The following GIT1 variants were observed in gnomAD, a reference collection of about 807,000 sequenced individuals.
The protein encoded by GIT1 is ARF GTPase-activating protein GIT1.
A neutral mutation model predicts 91.7 loss-of-function variants in GIT1; 14 were observed. That is an observed-to-expected ratio of 0.15 (90% CI 0.10 to 0.24). The LOEUF (loss-of-function observed/expected upper bound fraction) is 0.24. Ranked by LOEUF, GIT1 falls within the 10% of genes least tolerant of loss-of-function variation. The pLI is 1.00. For synonymous variants in GIT1, 414 were observed against 418.2 expected (o/e 0.99, Z 0.12); for missense variants, 717 against 1,024.9 (o/e 0.70, Z 4.10).
At chr17:29,582,290 C>T (rs2033426235) in intron 4 of GIT1, 146 bp from the exon 5 acceptor site, 1 of 633,878 alleles carries the variant, frequency 1.6e-6, no homozygotes, top group Non-Finnish European at 2.8e-6. Context: ...ACAGAGGCTT[C>T]CCGCTAGGGG....
Position 29,574,858 on chromosome 17 carries a change from G to A in GIT1, c.2130C>T (p.Tyr710=). The A allele has an allele frequency of 6.3e-7, 1 of 1,596,534 alleles. No individual in the cohort carries two copies. Among genetic ancestry groups the A allele is most frequent in the Non-Finnish European group, 8.5e-7 (1 of 1,174,106 alleles). The change falls in exon 20 of 20, where the codon TAC becomes TAT. Residue 710 remains tyrosine (Y), a synonymous_variant. Transcript: ENST00000225394. ...SSLRLLNASA[Y]RLQSECRKTV... is the part of the protein sequence containing the mutation. ...TCTTCCGGCACTCACTCTGCAGCCGGTAGGCGCTGGCGTTGAGCAGCCGCA... is the reference window on the plus strand; with the variant it reads ...TCTTCCGGCACTCACTCTGCAGCCGATAGGCGCTGGCGTTGAGCAGCCGCA...
At chr17:29,587,077 T>G (rs2033617007) in intron 1 of GIT1, among the ~76,000 whole-genome samples, 2 of 152,082 alleles carry the variant, frequency 1.3e-5, no homozygotes. Flanking sequence ...ACTCCTGTGG[T>G]TAGGACTGCA....
intron 7 of GIT1, chr17:29,579,061 C>T (rs373976715): frequency 2.8e-4 from 387 of 1,359,444 alleles, no homozygotes; most frequent in East Asian, 5.7e-4. Flanking sequence ...GGGCAGCACA[C>T]GCCTTTTCAC....
In GIT1 at chr17:29,576,868, C is replaced by T; in HGVS notation, c.1222G>A (p.Ala408Thr). The change falls in exon 12 of 20, where the codon GCC becomes ACC. Residue 408 changes from alanine to threonine, a missense_variant. Coordinates refer to ENST00000225394, the MANE Select transcript of GIT1 (RefSeq NM_014030.4). ...RSTGATRSNR[A>T]RSMDSSDLSD... ...AAGGAGGGTGGGACTCAGACCCGGGCCCGGTTGCTCCGAGTGGCGCCGGTG... is the reference window on the plus strand; with the variant it reads ...AAGGAGGGTGGGACTCAGACCCGGGTCCGGTTGCTCCGAGTGGCGCCGGTG... 6.3e-7 allele frequency: 1 copy of T among 1,574,854 alleles called. No individual in the cohort carries two copies. Among genetic ancestry groups the T allele is most frequent in the Non-Finnish European group, 8.6e-7 (1 of 1,161,906 alleles).
intron 1 of GIT1, among the ~76,000 whole-genome samples, chr17:29,588,845 C>A (rs1039810287): frequency 7.2e-5 from 11 of 152,354 alleles, no homozygotes; most frequent in African/African-American, 2.4e-4. Context: ...ACTGGCGCAT[C>A]TGCCCGGCCC....
intron 10 of GIT1, 70 bp downstream of exon 10, chr17:29,577,575 C>G: frequency 1.0e-6 from 1 of 1,003,828 alleles, no homozygotes; most frequent in Non-Finnish European, 1.6e-6. Flanking sequence ...AGGCCCCAGC[C>G]CACTGCCGGA....
At chr17:29,578,257 G>A (rs748649718) in intron 9 of GIT1, 42 bp downstream of exon 9, 10 of 1,520,024 alleles carry the variant, frequency 6.6e-6, no homozygotes, top group African/African-American at 1.4e-5. Context: ...TGCCTGGGCC[G>A]CTCGGGTCCT....
chr17:29,588,245 C>G (rs1567778806), intron 1 of GIT1, among the ~76,000 whole-genome samples: 1 of 152,210 alleles, frequency 6.6e-6, no homozygotes, highest in Non-Finnish European at 1.5e-5. Flanking sequence ...CACGGACCTC[C>G]GCAGCCTGCC....
rs772757280 is a variant in GIT1, at chr17:29,579,348, A to G, written c.762-569T>C. The stretch of plus-strand genomic sequence containing the variant: ...TTGTCCCTACAATCCTGTTCCACCC[A>G]GCAGCCAGGGTGATTTTTTGGATAC... On this transcript the variant is annotated intron_variant, in intron 7 of 19. Coordinates refer to ENST00000225394, the MANE Select transcript of GIT1 (RefSeq NM_014030.4). 129 of 318,602 alleles carry G rather than the reference A, an allele frequency of 4.0e-4. 1 individual carries two copies. Among genetic ancestry groups the G allele is most frequent in the Non-Finnish European group, 6.7e-4 (115 of 170,446 alleles). 19.7% of individuals were successfully genotyped at this position (318,602 alleles called of 1,614,324 possible).
chr17:29,579,652 G>A (rs1012160076), intron 7 of GIT1, among the ~76,000 whole-genome samples: 4 of 151,908 alleles, frequency 2.6e-5, no homozygotes, highest in South Asian at 2.1e-4. Context: ...TAGGAGGATC[G>A]TTTGAGGCTG....
rs370897867 is a variant in GIT1 at position 29,584,565 on chromosome 17, C to T, written c.53-949G>A. 4.6e-5 allele frequency among the ~76,000 whole-genome samples: 7 copies of T among 152,294 alleles called. No individual in the cohort carries two copies. The East Asian group carries it at 9.7e-4, about 21-fold the overall frequency. ...TACGACTCAGGCTGCGGAAAGGTCA[C>T]GGGGGAGAAAGCAGCCATTGTGTGC... On this transcript the variant is annotated intron_variant, in intron 1 of 19. Coordinates refer to ENST00000225394, the MANE Select transcript of GIT1 (RefSeq NM_014030.4).
rs1402957859 is a variant in GIT1, at chr17:29,574,640, A to T, written c.*62T>A. The stretch of plus-strand genomic sequence containing the variant: ...TGTTGGGGTGGGGATTAATGTCTGG[A>T]GTGGCCCAGCTCCTATGGCCAGTGA... On this transcript the variant is annotated 3_prime_UTR_variant, in exon 20 of 20. Transcript: ENST00000225394. 7.7e-7 allele frequency: 1 copy of T among 1,297,194 alleles called. No homozygotes were observed. 80.4% of individuals were successfully genotyped at this position (1,297,194 alleles called of 1,614,324 possible). A position where few individuals can be genotyped will look rare whatever the true frequency, so the allele number is the denominator to read the frequency against.
Position 29,574,523 on chromosome 17 carries a change from T to A in GIT1, c.*179A>T. 1 of 667,112 alleles carries A rather than the reference T, an allele frequency of 1.5e-6. No homozygotes were observed. The highest frequency in any genetic ancestry group is 1.7e-5 in the South Asian group (1 of 58,636). 41.3% of individuals were successfully genotyped at this position (667,112 alleles called of 1,614,324 possible). A position where few individuals can be genotyped will look rare whatever the true frequency, so the allele number is the denominator to read the frequency against. On this transcript the variant is annotated 3_prime_UTR_variant, in exon 20 of 20. Coordinates refer to ENST00000225394, the MANE Select transcript of GIT1 (RefSeq NM_014030.4). ...GGACAGAAGCTCCTGCCCCCCCACC[T>A]CCCCATCCTTAGGGGCTCGACAGGG...
chr17:29,576,475 C>A (rs369858461), intron 13 of GIT1, 25 bp from the exon 14 acceptor site: 7 of 1,613,034 alleles, frequency 4.3e-6, no homozygotes, highest in Non-Finnish European at 5.9e-6. Context: ...TGCTGTCAAC[C>A]CCCTGGAGTC....
chr17:29,575,608 C>T lies in GIT1; in HGVS notation c.1826+22G>A, dbSNP rs978578780. On this transcript the variant is annotated intron_variant, in intron 17 of 19. Coordinates refer to ENST00000225394, the MANE Select transcript of GIT1 (RefSeq NM_014030.4). This position sits in a 1 kb window ranked among gnomAD's most constrained non-coding sequence, Gnocchi z 5.5. The stretch of plus-strand genomic sequence containing the variant: ...CGCCTCGGCATGTGAGCAGGCTGGA[C>T]TGGAGACCCAGGGAGCCTCACCCCA... 1 of 1,607,664 alleles carries T rather than the reference C, an allele frequency of 6.2e-7. No homozygotes were observed. The highest frequency in any genetic ancestry group is 8.5e-7 in the Non-Finnish European group (1 of 1,177,314).
At position 29,578,385 on chromosome 17, in the gene GIT1, G is replaced by A; in HGVS notation, c.811-14C>T. 1 of 1,613,524 alleles carries A rather than the reference G, an allele frequency of 6.2e-7. No individual in the cohort carries two copies. Among genetic ancestry groups the A allele is most frequent in the Non-Finnish European group, 8.5e-7 (1 of 1,179,438 alleles). ...CCGGTTGCTGAGCTGGAGGAAGAGA[G>A]GGGCCCAGATGTTGTCAGATGCATC... On this transcript the variant is annotated splice_polypyrimidine_tract_variant and intron_variant, in intron 8 of 19. Coordinates refer to ENST00000225394, the MANE Select transcript of GIT1 (RefSeq NM_014030.4).
In GIT1 at chr17:29,576,645, C is replaced by G; in HGVS notation, c.1257G>C (p.Gly419=). ...RSMDSSDLSD[G]AVTLQEYLEL... ...CCAGGTACTCCTGCAGCGTCACAGC[C>G]CCGTCAGACAAGTCCGAGGAGTCCA... Residue 419 remains glycine (G), a synonymous_variant, in exon 13 of 20, where the codon GGG becomes GGC. Transcript: ENST00000225394. 1 of 1,614,024 alleles carries G rather than the reference C, an allele frequency of 6.2e-7. No individual in the cohort carries two copies. The highest frequency in any genetic ancestry group is 1.1e-5 in the South Asian group (1 of 91,088).
intron 1 of GIT1, among the ~76,000 whole-genome samples, chr17:29,584,959 C>CTTTTTT (rs11419578): frequency 2.0e-5 from 2 of 102,408 alleles, no homozygotes; most frequent in African/African-American, 3.8e-5. Flanking sequence ...TGGGTTTAGG[C>CTTTTTT]TTTTTTTTTT....
chr17:29,578,607 T>C, intron 8 of GIT1, 124 bp downstream of exon 8: 1 of 945,474 alleles, frequency 1.1e-6, no homozygotes, highest in Non-Finnish European at 1.7e-6. Flanking sequence ...CTGAGGCCAG[T>C]GAGGGGACAG....
Sources: allele counts gnomAD v4.1 joint callset (sites outside exome capture counted in the v4.1 genomes callset), GRCh38; gene constraint gnomAD v4.1.1; non-coding constraint Gnocchi (gnomAD v3.1); transcripts MANE v1.5; gene names NCBI Gene and HGNC (gene_info 2026-07-23, HGNC 2026-07-21).